The following ARL6IP6 variants were observed in gnomAD, a reference collection of about 807,000 sequenced individuals.
The protein encoded by ARL6IP6 is ARF like GTPase 6 interacting protein 6, also known as ADP-ribosylation factor-like protein 6-interacting protein 6.
A neutral mutation model predicts 21.5 loss-of-function variants in ARL6IP6; 22 were observed. That is an observed-to-expected ratio of 1.02 (90% CI 0.73 to 1.46). The LOEUF is 1.46. Among genes scored for constraint, ARL6IP6 ranks in the 40% most tolerant of loss-of-function variants. The pLI, the probability that ARL6IP6 is intolerant of heterozygous loss-of-function variation, is 0.00. For synonymous variants in ARL6IP6, 164 were observed against 125.3 expected (o/e 1.31, Z -2.06); for missense variants, 388 against 299.8 (o/e 1.29, Z -2.17).
intron 3 of ARL6IP6, 140 bp downstream of exon 3, chr2:152,735,266 C>A: frequency 1.3e-6 from 1 of 761,716 alleles, no homozygotes; most frequent in Non-Finnish European, 2.0e-6. Flanking sequence ...GACTTTTCAG[C>A]TTGTAGGCTC....
Position 152,761,546 on chromosome 2 carries a change from T to C in ARL6IP6, c.*1706T>C, listed in dbSNP as rs1701844534. On this transcript the variant is annotated 3_prime_UTR_variant, in exon 4 of 4. Transcript: ENST00000326446. ...TAACAGTAGACCCTAGATAGAGATATGTACACCCTAGACAGTCATGTGCCA... is the reference window on the plus strand; with the variant it reads ...TAACAGTAGACCCTAGATAGAGATACGTACACCCTAGACAGTCATGTGCCA... Among the ~76,000 whole-genome samples, 1 of 152,334 alleles carries C rather than the reference T, an allele frequency of 6.6e-6. No individual in the cohort carries two copies. Among genetic ancestry groups the C allele is most frequent in the Middle Eastern group, 3.4e-3 (1 of 294 alleles).
intron 1 of ARL6IP6, among the ~76,000 whole-genome samples, chr2:152,719,417 G>A (rs2105071920): frequency 6.6e-6 from 1 of 152,164 alleles, no homozygotes; most frequent in Middle Eastern, 3.4e-3. Flanking sequence ...AAATAAAGAT[G>A]TGCTGTCCAC....
intron 3 of ARL6IP6, among the ~76,000 whole-genome samples, chr2:152,749,012 CTTTAA>C (rs989553734): frequency 2.0e-5 from 3 of 152,080 alleles, no homozygotes; most frequent in African/African-American, 2.4e-5. Flanking sequence ...TTATTCAGTG[CTTTAA>C]TTTATGCTTC....
chr2:152,723,699 T>G (rs777420250), intron 2 of ARL6IP6, among the ~76,000 whole-genome samples: 7 of 152,114 alleles, frequency 4.6e-5, no homozygotes, highest in East Asian at 3.9e-4. Context: ...CAATTCTCAT[T>G]TTGGTATGGG....
At chr2:152,752,804 T>C (rs1701399567) in intron 3 of ARL6IP6, among the ~76,000 whole-genome samples, 1 of 152,176 alleles carries the variant, frequency 6.6e-6, no homozygotes, top group African/African-American at 2.4e-5. Flanking sequence ...GTTACTCCGG[T>C]GTGGGGAGAT....
At chr2:152,720,238 G>A (rs1699717405) in intron 1 of ARL6IP6, 1 of 416,616 alleles carries the variant, frequency 2.4e-6, no homozygotes, top group Non-Finnish European at 4.5e-6. Context: ...TTATTTGGAA[G>A]AATAGAGAAA....
At position 152,718,693 on chromosome 2, in the gene ARL6IP6, G is replaced by T. The variant is rs1391964870; in HGVS notation, c.69G>T (p.Val23=). 3.8e-6 allele frequency: 6 copies of T among 1,595,888 alleles called. No individual in the cohort carries two copies. Among genetic ancestry groups the T allele is most frequent in the Non-Finnish European group, 5.1e-6 (6 of 1,169,472 alleles). Residue 23 remains valine (V), a synonymous_variant, in exon 1 of 4, where the codon GTG becomes GTT. Coordinates refer to ENST00000326446, the MANE Select transcript of ARL6IP6 (RefSeq NM_152522.7). ...RRRGPGTPGP[V]ARPSYSSFTQ... ...GCGGTCCCGGCACCCCGGGCCCTGT[G>T]GCTCGGCCATCGTATTCCTCCTTTA...
chr2:152,719,015 A>T lies in ARL6IP6; in HGVS notation c.391A>T (p.Ile131Phe), dbSNP rs1385788166. 6.4e-7 allele frequency: 1 copy of T among 1,568,948 alleles called. No individual in the cohort carries two copies. The highest frequency in any genetic ancestry group is 8.7e-7 in the Non-Finnish European group (1 of 1,155,620). ...LAFLLAIAYL[I>F]VKELHAENLK... is the part of the protein sequence containing the mutation. Reference sequence around the variant, plus strand: ...CTTCCTCCTCGCCATCGCCTACTTGATCGTTAAAGGTATTGAAGCCGACGC... The same window carrying T: ...CTTCCTCCTCGCCATCGCCTACTTGTTCGTTAAAGGTATTGAAGCCGACGC... Residue 131 changes from isoleucine (I) to phenylalanine (F), a missense_variant, in exon 1 of 4, where the codon ATC (isoleucine) becomes TTC (phenylalanine). Ile to Phe is a conservative substitution (Grantham distance 21). Transcript: ENST00000326446.
chr2:152,729,361 TAC>T (rs1276597638), intron 2 of ARL6IP6, among the ~76,000 whole-genome samples: 18 of 145,776 alleles, frequency 1.2e-4, no homozygotes, highest in African/African-American at 1.8e-4. Flanking sequence ...TGTGTGTGTG[TAC>T]ACACATATAT....
chr2:152,721,446 C>T (rs1270544350), intron 2 of ARL6IP6, among the ~76,000 whole-genome samples: 3 of 151,794 alleles, frequency 2.0e-5, no homozygotes, highest in Non-Finnish European at 2.9e-5. Flanking sequence ...TGCTGTAGTT[C>T]ACAGGTTTCC....
Position 152,727,961 on chromosome 2 carries a change from T to A in ARL6IP6, c.455-7033T>A, listed in dbSNP as rs200962240. 2.0e-5 allele frequency among the ~76,000 whole-genome samples: 3 copies of A among 152,210 alleles called. No homozygotes were observed. In the East Asian group the frequency reaches 5.8e-4, roughly 29 times the overall value. ...GTAATTTAATCTCACCAGGAAAGAT[T>A]CCAACAATTAAAGCAAAGGCTTTCA... On this transcript the variant is annotated intron_variant, in intron 2 of 3. Transcript: ENST00000326446.
upstream of ARL6IP6, chr2:152,717,827 A>T: frequency 3.6e-6 from 4 of 1,124,990 alleles, no homozygotes; most frequent in Non-Finnish European, 4.4e-6. Context: ...TACGCCCCAC[A>T]AACCTGAGGC....
Position 152,718,970 on chromosome 2 carries a change from C to T in ARL6IP6, c.346C>T (p.Leu116Phe). 2 of 1,598,096 alleles carry T rather than the reference C, an allele frequency of 1.3e-6. No individual in the cohort carries two copies. ...VQVLSILCSL[L>F]FAILLAFLLA... ...GGTCCTCTCTATTCTCTGCTCGCTG[C>T]TCTTCGCCATTCTTCTCGCCTTCCT... is the stretch of plus-strand genomic sequence containing the variant. Residue 116 changes from leucine (L) to phenylalanine (F), a missense_variant, in exon 1 of 4, where the codon CTC becomes TTC. Transcript: ENST00000326446.
intron 2 of ARL6IP6, chr2:152,732,633 A>G (rs1490911077): frequency 4.7e-6 from 2 of 427,590 alleles, no homozygotes; most frequent in South Asian, 1.8e-5. Context: ...TTATTTTGCT[A>G]TGCATATATA....
At chr2:152,719,116 A>T (rs1234443267) in intron 1 of ARL6IP6, 92 bp downstream of exon 1, 2 of 1,371,222 alleles carry the variant, frequency 1.5e-6, no homozygotes, top group African/African-American at 3.0e-5. Context: ...CCCTCGCGCT[A>T]AGCCCTCAGG....
chr2:152,718,926 C>T lies in ARL6IP6; in HGVS notation c.302C>T (p.Pro101Leu), dbSNP rs1699486820. 1.2e-6 allele frequency: 2 copies of T among 1,613,910 alleles called. No individual in the cohort carries two copies. The highest frequency in any genetic ancestry group is 1.7e-6 in the Non-Finnish European group (2 of 1,179,888). Reference protein sequence around the residue: ...FPAAAGSRAQPRRWPVQVLSI... With the variant: ...FPAAAGSRAQLRRWPVQVLSI... ...GCGGCCGCGGGCAGCAGAGCCCAGC[C>T]TCGGCGGTGGCCGGTCCAGGTCCTC... Residue 101 changes from proline (P) to leucine (L), a missense_variant, in exon 1 of 4, where the codon CCT becomes CTT. Coordinates refer to ENST00000326446, the MANE Select transcript of ARL6IP6 (RefSeq NM_152522.7).
intron 2 of ARL6IP6, among the ~76,000 whole-genome samples, chr2:152,730,874 C>T (rs902921897): frequency 3.9e-5 from 6 of 152,178 alleles, no homozygotes; most frequent in African/African-American, 1.4e-4. Context: ...TTTGCATGGG[C>T]TTTTCTAGAT....
At chr2:152,734,244 A>G (rs1453438558) in intron 2 of ARL6IP6, among the ~76,000 whole-genome samples, 2 of 152,182 alleles carry the variant, frequency 1.3e-5, no homozygotes, top group African/African-American at 4.8e-5. Context: ...ATACAGTTCC[A>G]AACTCAGTGC....
Position 152,728,787 on chromosome 2 carries a change from G to A in ARL6IP6, c.455-6207G>A, listed in dbSNP as rs116265151. 4.3e-3 allele frequency among the ~76,000 whole-genome samples: 653 copies of A among 152,274 alleles called. 7 individuals carry two copies. The highest frequency in any genetic ancestry group is 0.015 in the African/African-American group (626 of 41,546). On this transcript the variant is annotated intron_variant, in intron 2 of 3. Transcript: ENST00000326446. ...GTATACATCATTTCATTGGCCAGAC[G>A]TGGTGGCGTCTGACTGAAATCCCAG...
Sources: gnomAD v4.1 joint callset for allele counts (sites outside exome capture counted in the v4.1 genomes callset) on GRCh38, gnomAD v4.1.1 for gene constraint, MANE v1.5 for transcripts, NCBI Gene and HGNC (gene_info 2026-07-23, HGNC 2026-07-21) for gene names.